The following RDH11 variants were observed in gnomAD, a reference collection of about 807,000 sequenced individuals.
RDH11 encodes the protein HCV core-binding protein HCBP12.
A neutral mutation model predicts 33.4 loss-of-function variants in RDH11; 19 were observed. The observed-to-expected ratio is 0.57, with a 90% CI of 0.40 to 0.83. The LOEUF (loss-of-function observed/expected upper bound fraction) is 0.83, where lower values mean the gene tolerates loss of function less well. RDH11 is among the 40% of genes least tolerant of loss of function. RDH11 has a pLI of 0.00. For synonymous variants in RDH11, 154 were observed against 155.3 expected (o/e 0.99, Z 0.06); for missense variants, 353 against 389.0 (o/e 0.91, Z 0.78).
chr14:67,684,421 G>T (rs1449617814), intron 6 of RDH11: 1 of 152,140 alleles, frequency 6.6e-6, no homozygotes, highest in Non-Finnish European at 1.5e-5. Flanking sequence ...TGGGTTAATG[G>T]TAGCTGAGGC....
intron 2 of RDH11, 170 bp downstream of exon 2, chr14:67,692,764 T>A: frequency 1.2e-6 from 1 of 868,540 alleles, no homozygotes; most frequent in Non-Finnish European, 1.8e-6. Context: ...TAATATTCAT[T>A]AAGGGTCCAT....
rs1182748393 is a variant in RDH11, at chr14:67,678,015, T to C, written c.*306A>G. ...TAAATCATCCCTGCTATAGCTTAGA[T>C]TCTCCTAGGTAGTAGTTTCTTTCAG... On this transcript the variant is annotated 3_prime_UTR_variant, in exon 7 of 7. Transcript: ENST00000381346. 2 of 203,204 alleles carry C rather than the reference T, an allele frequency of 9.8e-6. No individual in the cohort carries two copies. The highest frequency in any genetic ancestry group is 2.0e-5 in the Non-Finnish European group (2 of 100,286). The allele number at this position is 203,204 out of a possible 1,614,324, so 12.6% of individuals were successfully genotyped here. A position where few individuals can be genotyped will look rare whatever the true frequency, so the allele number is the denominator to read the frequency against.
chr14:67,684,966 T>C lies in RDH11; in HGVS notation c.854+49A>G, dbSNP rs2140064446. On this transcript the variant is annotated intron_variant, in intron 6 of 6. Coordinates refer to ENST00000381346, the MANE Select transcript of RDH11 (RefSeq NM_016026.4). ...GGTATACCCAGACAAACCCAAATTA[T>C]CTCCTTTGAGCAATAAATCTCATCT... 2.0e-6 allele frequency: 3 copies of C among 1,495,276 alleles called. 1 individual carries two copies. In the South Asian group the frequency reaches 3.9e-5, roughly 19 times the overall value. 92.6% of individuals were successfully genotyped at this position (1,495,276 alleles called of 1,614,324 possible). A position where few individuals can be genotyped will look rare whatever the true frequency, so the allele number is the denominator to read the frequency against.
chr14:67,688,894 T>C (rs1275511373), intron 5 of RDH11, among the ~76,000 whole-genome samples: 2 of 150,162 alleles, frequency 1.3e-5, no homozygotes, highest in Admixed American at 6.6e-5. Flanking sequence ...ATTCATCCCC[T>C]GTCCCCTAAC....
intron 1 of RDH11, among the ~76,000 whole-genome samples, chr14:67,694,541 C>T (rs2037803143): frequency 6.7e-6 from 1 of 149,356 alleles, no homozygotes; most frequent in African/African-American, 2.5e-5. Flanking sequence ...AGAAAAATCC[C>T]TCTGGGGTAT....
chr14:67,691,104 G>T, intron 4 of RDH11, 36 bp downstream of exon 4: 1 of 1,430,558 alleles, frequency 7.0e-7, no homozygotes, highest in Non-Finnish European at 9.9e-7. Flanking sequence ...AGAATTTTGG[G>T]TCTCTCTAGC....
chr14:67,682,567 C>A (rs56244379), intron 6 of RDH11, among the ~76,000 whole-genome samples: 1 of 152,166 alleles, frequency 6.6e-6, no homozygotes, highest in Non-Finnish European at 1.5e-5. Flanking sequence ...TTCATACTCA[C>A]TAGGATGGCT....
At chr14:67,685,344 C>T (rs1194630204) in intron 5 of RDH11, 140 bp from the exon 6 acceptor site, 1 of 633,974 alleles carries the variant, frequency 1.6e-6, no homozygotes, top group Non-Finnish European at 2.7e-6. Context: ...GTACTGCTCA[C>T]AGTAATTTAT....
intron 5 of RDH11, among the ~76,000 whole-genome samples, chr14:67,685,652 G>A (rs1272758123): frequency 6.6e-6 from 1 of 150,870 alleles, no homozygotes; most frequent in Non-Finnish European, 1.5e-5. Flanking sequence ...AGACAGGCTT[G>A]CTGTGTTGCC....
At chr14:67,689,640 G>A (rs961003373) in intron 5 of RDH11, among the ~76,000 whole-genome samples, 4 of 152,070 alleles carry the variant, frequency 2.6e-5, no homozygotes, top group Non-Finnish European at 5.9e-5. Context: ...TATGAAGAAG[G>A]AAGTCCTAAA....
rs1395325633 is a variant in RDH11 at position 67,677,630 on chromosome 14, T to C, written c.*691A>G. On this transcript the variant is annotated 3_prime_UTR_variant, in exon 7 of 7. Coordinates refer to ENST00000381346, the MANE Select transcript of RDH11 (RefSeq NM_016026.4). ...CTCTTGGTGGGTAGTTACCAACATA[T>C]ACAGAATCTGCTTCCCTTTGCAGCA... 1 of 152,182 alleles carries C rather than the reference T, an allele frequency of 6.6e-6. No individual in the cohort carries two copies. Among genetic ancestry groups the C allele is most frequent in the African/African-American group, 2.4e-5 (1 of 41,436 alleles). The allele number at this position is 152,182 out of a possible 1,614,324, so 9.4% of individuals were successfully genotyped here.
In RDH11 at chr14:67,677,363, ATTTTTTTTTTTTTTT is replaced by A. The variant is rs71129846; in HGVS notation, c.*943_*957del. The A allele has an allele frequency of 2.5e-4, 8 of 31,978 alleles. No homozygotes were observed. The highest frequency in any genetic ancestry group is 1.4e-3 in the East Asian group (1 of 738). 2.0% of individuals were successfully genotyped at this position (31,978 alleles called of 1,614,324 possible). On this transcript the variant is annotated 3_prime_UTR_variant, in exon 7 of 7. Transcript: ENST00000381346. ...TTTTTTTTGTTTGTTTGTTTTTAGG[ATTTTTTTTTTTTTTT>A]TTTTTTTTTTTTTTGCCACACTGGT...
chr14:67,693,108 G>GAAT, intron 1 of RDH11, 56 bp from the exon 2 acceptor site: 2 of 1,234,834 alleles, frequency 1.6e-6, no homozygotes, highest in Non-Finnish European at 2.3e-6. Flanking sequence ...TCAGCCAGTA[G>GAAT]GTTCCTGCAA....
Position 67,690,223 on chromosome 14 carries a change from C to A in RDH11, c.653G>T (p.Arg218Leu). ...TCCTCTAGGCCCACCTTTTAGTCTCCGGGCCAGTTCCTGGGTGAAGAGGAT... is the reference window on the plus strand; with the variant it reads ...TCCTCTAGGCCCACCTTTTAGTCTCAGGGCCAGTTCCTGGGTGAAGAGGAT... ...ANILFTQELA[R>L]RLKGSGVTTY... Residue 218 changes from arginine (R) to leucine (L), a missense_variant, in exon 5 of 7, where the codon CGG becomes CTG. Transcript: ENST00000381346. 1 of 1,613,084 alleles carries A rather than the reference C, an allele frequency of 6.2e-7. No individual in the cohort carries two copies. Among genetic ancestry groups the A allele is most frequent in the South Asian group, 1.1e-5 (1 of 90,994 alleles).
intron 1 of RDH11, among the ~76,000 whole-genome samples, chr14:67,695,379 A>G (rs77060049): frequency 0.093 from 14,223 of 152,208 alleles, 693 homozygotes; most frequent in Middle Eastern, 0.2. Context: ...GGGGGTGCTT[A>G]GACAAAAGAA....
Position 67,695,742 on chromosome 14 carries a change from G to A in RDH11, c.-39C>T. The A allele has an allele frequency of 6.3e-7, 1 of 1,595,600 alleles. No homozygotes were observed. The highest frequency in any genetic ancestry group is 1.7e-5 in the Admixed American group (1 of 59,054). ...AGCGGCACCAGAGCGGGATGCTCCA[G>A]CGTTGCTCGCCGACTATGGCTTCTC... On this transcript the variant is annotated 5_prime_UTR_variant, in exon 1 of 7. Coordinates refer to ENST00000381346, the MANE Select transcript of RDH11 (RefSeq NM_016026.4).
At position 67,677,314 on chromosome 14, in the gene RDH11, A is replaced by G. The variant is rs1236797019; in HGVS notation, c.*1007T>C. 1 of 146,088 alleles carries G rather than the reference A, an allele frequency of 6.8e-6. No individual in the cohort carries two copies. Among genetic ancestry groups the G allele is most frequent in the Non-Finnish European group, 1.5e-5 (1 of 67,074 alleles). The allele number at this position is 146,088 out of a possible 1,614,324, so 9.0% of individuals were successfully genotyped here. Reference sequence around the variant, plus strand: ...ATAATTACCAATATCAGTCCCTAAGATAATTTTTCTGAATGAAGAATTGTT... The same window carrying G: ...ATAATTACCAATATCAGTCCCTAAGGTAATTTTTCTGAATGAAGAATTGTT... On this transcript the variant is annotated 3_prime_UTR_variant, in exon 7 of 7. Coordinates refer to ENST00000381346, the MANE Select transcript of RDH11 (RefSeq NM_016026.4).
chr14:67,695,348 G>C (rs548491780), intron 1 of RDH11, among the ~76,000 whole-genome samples: 7 of 152,292 alleles, frequency 4.6e-5, no homozygotes, highest in Admixed American at 3.9e-4. Flanking sequence ...TTACCCTCGG[G>C]ATTCCCTGGA....
At chr14:67,689,955 A>AG (rs2037728408) in intron 5 of RDH11, 1 of 396,214 alleles carries the variant, frequency 2.5e-6, no homozygotes, top group Non-Finnish European at 4.7e-6. Context: ...AAAAAAAAAA[A>AG]AAGTTAAGTA....
Sources: allele counts gnomAD v4.1 joint callset (sites outside exome capture counted in the v4.1 genomes callset), GRCh38; gene constraint gnomAD v4.1.1; transcripts MANE v1.5; gene names NCBI Gene and HGNC (gene_info 2026-07-23, HGNC 2026-07-21).